CCDC62: variants seen among roughly 807,000 people sequenced by gnomAD.
CCDC62 encodes coiled-coil domain-containing protein 62.
A neutral mutation model predicts 80.8 loss-of-function variants in CCDC62; 72 were observed. The ratio of observed to expected loss-of-function variants is 0.89; its 90% confidence interval spans 0.74 to 1.08. The LOEUF (loss-of-function observed/expected upper bound fraction) is 1.08. CCDC62 is among the 50% of genes least tolerant of loss of function. The pLI, the probability that CCDC62 is intolerant of heterozygous loss-of-function variation, is 0.00. For synonymous variants in CCDC62, 286 were observed against 296.5 expected, an observed-to-expected ratio of 0.96 and a Z score of 0.36; for missense variants, 704 against 809.4, an observed-to-expected ratio of 0.87 and a Z score of 1.58.
intron 9 of CCDC62, among the ~76,000 whole-genome samples, chr12:122,805,705 G>C (rs990899224): frequency 6.6e-6 from 1 of 151,794 alleles, no homozygotes; most frequent in Admixed American, 6.6e-5. Flanking sequence ...TAGTAGAGAC[G>C]GGGTTTCACC....
At position 122,827,076 on chromosome 12, in the gene CCDC62, C is replaced by A. The variant is rs975272541; in HGVS notation, c.*695C>A. 5 of 152,154 alleles carry A rather than the reference C, an allele frequency of 3.3e-5. No individual in the cohort carries two copies. The highest frequency in any genetic ancestry group is 4.8e-5 in the African/African-American group (2 of 41,438). The allele number at this position is 152,154 out of a possible 1,614,324, so 9.4% of individuals were successfully genotyped here. On this transcript the variant is annotated 3_prime_UTR_variant, in exon 13 of 13. Coordinates refer to ENST00000253079, the MANE Select transcript of CCDC62 (RefSeq NM_201435.5). ...GAGTTTTAGACGCATTTTTAAAAAT[C>A]TTAAAGACTAAAACACTTCCATTTT...
At position 122,790,856 on chromosome 12, in the gene CCDC62, G is replaced by A. The variant is rs77989197; in HGVS notation, c.671-1164G>A. On this transcript the variant is annotated intron_variant, in intron 5 of 12. Coordinates refer to ENST00000253079, the MANE Select transcript of CCDC62 (RefSeq NM_201435.5). ...AGCATGTAGTCTGGTGTAATCAACT[G>A]ACTCTTCATGAATGACAAAAGATGC... is the stretch of plus-strand genomic sequence containing the variant. Among the ~76,000 whole-genome samples, 367 of 152,164 alleles carry A rather than the reference G, an allele frequency of 2.4e-3. 1 individual carries two copies. Among genetic ancestry groups the A allele is most frequent in the African/African-American group, 8.4e-3 (350 of 41,520 alleles).
chr12:122,774,788 T>G (rs1327225274), intron 1 of CCDC62, 82 bp downstream of exon 1: 1 of 1,103,350 alleles, frequency 9.1e-7, no homozygotes, highest in African/African-American at 1.6e-5. Context: ...AAGAACGGTG[T>G]CTACTTAAAA....
intron 2 of CCDC62, 78 bp from the exon 3 acceptor site, chr12:122,781,086 C>T: frequency 8.6e-7 from 1 of 1,157,114 alleles, no homozygotes; most frequent in South Asian, 1.5e-5. Context: ...CACATTTTTA[C>T]CTTTTAACCA....
intron 12 of CCDC62, among the ~76,000 whole-genome samples, chr12:122,823,876 C>T (rs1269245491): frequency 6.6e-6 from 1 of 151,878 alleles, no homozygotes; most frequent in Non-Finnish European, 1.5e-5. Context: ...ATCCCAGCTA[C>T]TTGGGAGGCT....
intron 4 of CCDC62, among the ~76,000 whole-genome samples, chr12:122,787,027 A>G (rs1369760683): frequency 6.6e-6 from 1 of 152,248 alleles, no homozygotes; most frequent in Non-Finnish European, 1.5e-5. Flanking sequence ...CAAGTAGCAG[A>G]CAGTTTAGTG....
In CCDC62 at chr12:122,774,585, C is replaced by A. The variant is rs1478124475; in HGVS notation, c.-86C>A. 2 of 1,077,616 alleles carry A rather than the reference C, an allele frequency of 1.9e-6. No individual in the cohort carries two copies. The highest frequency in any genetic ancestry group is 2.4e-6 in the Non-Finnish European group (2 of 841,672). The allele number at this position is 1,077,616 out of a possible 1,614,324, so 66.8% of individuals were successfully genotyped here. A position where few individuals can be genotyped will look rare whatever the true frequency, so the allele number is the denominator to read the frequency against. ...CGGGGCCCCGGGGCTCCGGGCTCGC[C>A]CCCGCCGCTCGGGGCAGGCGCGCCG... On this transcript the variant is annotated 5_prime_UTR_variant, in exon 1 of 13. Transcript: ENST00000253079.
chr12:122,781,352 G>A, intron 3 of CCDC62, 22 bp downstream of exon 3: 1 of 1,603,142 alleles, frequency 6.2e-7, no homozygotes, highest in Non-Finnish European at 8.5e-7. Flanking sequence ...TTTTTGATAA[G>A]CTTCACTAGT....
intron 8 of CCDC62, among the ~76,000 whole-genome samples, chr12:122,799,057 G>C (rs766230976): frequency 9.2e-5 from 14 of 152,134 alleles, no homozygotes; most frequent in African/African-American, 3.1e-4. Flanking sequence ...TTCAGCCTGG[G>C]TGACAGAGTG....
At position 122,801,236 on chromosome 12, in the gene CCDC62, C is replaced by T; in HGVS notation, c.1090C>T (p.Gln364Ter). 2 of 1,614,042 alleles carry T rather than the reference C, an allele frequency of 1.2e-6. No homozygotes were observed. Among genetic ancestry groups the T allele is most frequent in the Non-Finnish European group, 1.7e-6 (2 of 1,180,020 alleles). ...KDQKFEAMLV[Q>*]QNRSDKSSCD... The stretch of plus-strand genomic sequence containing the variant: ...CCAGAAATTTGAAGCCATGTTGGTT[C>T]AGCAAAATAGGTCAGACAAGAGCTC... The change falls in exon 9 of 13, where the codon CAG (glutamine) becomes TAG (stop). Residue 364 changes from glutamine (Q) to a stop codon, truncating the protein, a stop_gained. Transcript: ENST00000253079. LOFTEE classifies it high-confidence loss of function.
rs752711014 is a variant in CCDC62 at position 122,785,727 on chromosome 12, C to T, written c.405C>T (p.Asn135=). Residue 135 remains asparagine, a synonymous_variant, in exon 4 of 13, where the codon AAC becomes AAT. Transcript: ENST00000253079. ...GTGTTGTTTTCTTGTAGGCTAGAAA[C>T]GAAACTCTCAGCAACACGTTAGTGG... ...SLLSEDLEAR[N]ETLSNTLVEL... 2 of 1,611,676 alleles carry T rather than the reference C, an allele frequency of 1.2e-6. No individual in the cohort carries two copies. The highest frequency in any genetic ancestry group is 2.2e-5 in the South Asian group (2 of 91,048).
Position 122,814,137 on chromosome 12 carries a change from C to T in CCDC62, c.2001+718C>T, listed in dbSNP as rs949158245. Among the ~76,000 whole-genome samples the T allele has an allele frequency of 5.3e-5, 8 of 151,702 alleles. No homozygotes were observed. In the East Asian group the frequency reaches 7.9e-4, roughly 15 times the overall value. On this transcript the variant is annotated intron_variant, in intron 11 of 12. Transcript: ENST00000253079. Reference sequence around the variant, plus strand: ...TCTCTACTAAAAATACAAAATTAGCCGGACATAGTGGCACATGCCTGTAAT... The same window carrying T: ...TCTCTACTAAAAATACAAAATTAGCTGGACATAGTGGCACATGCCTGTAAT...
At position 122,826,671 on chromosome 12, in the gene CCDC62, GAA is replaced by G; in HGVS notation, c.*294_*295del. The stretch of plus-strand genomic sequence containing the variant: ...AGAAAGTTGGAATTATGCTAAGAAT[GAA>G]AAAGACTTCTCTGTAAAGATACGGA... On this transcript the variant is annotated 3_prime_UTR_variant, in exon 13 of 13. Coordinates refer to ENST00000253079, the MANE Select transcript of CCDC62 (RefSeq NM_201435.5). The G allele has an allele frequency of 2.3e-6, 1 of 436,924 alleles. No homozygotes were observed. The highest frequency in any genetic ancestry group is 5.9e-5 in the South Asian group (1 of 16,994). 27.1% of individuals were successfully genotyped at this position (436,924 alleles called of 1,614,324 possible).
intron 11 of CCDC62, among the ~76,000 whole-genome samples, chr12:122,822,051 A>T (rs2032423008): frequency 1.7e-5 from 2 of 119,364 alleles, no homozygotes; most frequent in South Asian, 5.4e-4. Flanking sequence ...CCCTGTCTCT[A>T]TAAATTTAAA....
At chr12:122,822,177 C>T (rs1174919902) in intron 11 of CCDC62, among the ~76,000 whole-genome samples, 1 of 149,658 alleles carries the variant, frequency 6.7e-6, no homozygotes, top group African/African-American at 2.5e-5. Flanking sequence ...GATCTTGGCT[C>T]ACTACAACCT....
Position 122,792,072 on chromosome 12 carries a change from T to A in CCDC62, c.723T>A (p.Ile241=). The A allele has an allele frequency of 6.2e-7, 1 of 1,614,100 alleles. No homozygotes were observed. The highest frequency in any genetic ancestry group is 1.1e-5 in the South Asian group (1 of 91,080). ...TENNEQREEI[I]RLKQEKSCLH... is the part of the protein sequence containing the mutation. The stretch of plus-strand genomic sequence containing the variant: ...ATAATGAGCAACGAGAAGAGATCAT[T>A]CGCCTCAAGCAAGAGAAAAGTTGCC... Residue 241 remains isoleucine, a synonymous_variant, in exon 6 of 13, where the codon ATT becomes ATA. Coordinates refer to ENST00000253079, the MANE Select transcript of CCDC62 (RefSeq NM_201435.5).
chr12:122,779,342 T>C (rs952503414), intron 2 of CCDC62, among the ~76,000 whole-genome samples: 1 of 152,118 alleles, frequency 6.6e-6, no homozygotes, highest in African/African-American at 2.4e-5. Flanking sequence ...TCACTGCTAG[T>C]GTGCAAAATC....
intron 3 of CCDC62, among the ~76,000 whole-genome samples, chr12:122,784,670 A>C (rs2030100283): frequency 1.3e-5 from 2 of 152,108 alleles, no homozygotes; most frequent in African/African-American, 4.8e-5. Context: ...CTCTACAAAA[A>C]ATACAAAAAT....
At chr12:122,782,489 A>C (rs2029926616) in intron 3 of CCDC62, among the ~76,000 whole-genome samples, 1 of 151,654 alleles carries the variant, frequency 6.6e-6, no homozygotes, top group Non-Finnish European at 1.5e-5. Flanking sequence ...ATGGAGTTTC[A>C]CTCTTGTTGC....
Sources: gnomAD v4.1 joint callset for allele counts (sites outside exome capture counted in the v4.1 genomes callset) on GRCh38, gnomAD v4.1.1 for gene constraint, MANE v1.5 for transcripts, NCBI Gene and HGNC (gene_info 2026-07-23, HGNC 2026-07-21) for gene names.